The following COL4A1 variants were observed in gnomAD, a reference collection of about 807,000 sequenced individuals.
The protein encoded by COL4A1 is collagen type IV alpha 1 chain, also known as collagen alpha-1(IV) chain.
A neutral mutation model predicts 216.6 loss-of-function variants in COL4A1; 40 were observed. The observed-to-expected ratio is 0.18, with a 90% CI of 0.14 to 0.24. The LOEUF is 0.24. COL4A1 is among the 10% of genes least tolerant of loss of function. The pLI is 1.00. For missense variants in COL4A1, 1,628 were observed against 2,196.8 expected (o/e 0.74, Z 5.18); for synonymous variants, 839 against 810.7 (o/e 1.03, Z -0.59).
At chr13:110,276,529 A>G (rs984355335) in intron 1 of COL4A1, among the ~76,000 whole-genome samples, 1 of 152,136 alleles carries the variant, frequency 6.6e-6, no homozygotes, top group Non-Finnish European at 1.5e-5. Flanking sequence ...GAGGGTTCCA[A>G]ATTTTTGTAG....
chr13:110,208,811 T>G, intron 12 of COL4A1, 38 bp downstream of exon 12: 1 of 1,610,942 alleles, frequency 6.2e-7, no homozygotes, highest in Non-Finnish European at 8.5e-7. Context: ...GGACTGTGGT[T>G]TTCAACATGA....
Position 110,183,038 on chromosome 13 carries a change from C to A in COL4A1, c.2050G>T (p.Val684Leu). The A allele has an allele frequency of 6.2e-7, 1 of 1,613,402 alleles. No individual in the cohort carries two copies. The highest frequency in any genetic ancestry group is 8.5e-7 in the Non-Finnish European group (1 of 1,179,926). Reference protein sequence around the residue: ...RPGLPGEKGAVGQPGIGFPGP... With the variant: ...RPGLPGEKGALGQPGIGFPGP... ...GGAAATCCAATGCCTGGCTGGCCCA[C>A]AGCGCCCTTCTCTCCTGGCAGGCCT... Residue 684 changes from valine (V) to leucine (L), a missense_variant, in exon 28 of 52, where the codon GTG (valine) becomes TTG (leucine). Val to Leu is a conservative substitution (Grantham distance 32). Transcript: ENST00000375820.
At chr13:110,245,027 T>C (rs1881732493) in intron 1 of COL4A1, among the ~76,000 whole-genome samples, 1 of 152,166 alleles carries the variant, frequency 6.6e-6, no homozygotes, top group Non-Finnish European at 1.5e-5. Context: ...AAGTAACAAC[T>C]GTAGATGGAA....
chr13:110,242,679 T>C lies in COL4A1; in HGVS notation c.140A>G (p.Gln47Arg). The change falls in exon 2 of 52, where the codon CAA (glutamine) becomes CGA (arginine). Residue 47 changes from glutamine (Q) to arginine (R), a missense_variant. Transcript: ENST00000375820. ...GKCDCHGVKG[Q>R]KGERGLPGLQ... ...ATTTAAATTTCGGCAACTCACCTTT[T>C]GTCCCTTCACTCCATGGCAGTCACA... 6.2e-7 allele frequency: 1 copy of C among 1,614,242 alleles called. No individual in the cohort carries two copies. Among genetic ancestry groups the C allele is most frequent in the South Asian group, 1.1e-5 (1 of 91,086 alleles).
intron 48 of COL4A1, chr13:110,161,939 T>C: frequency 2.1e-6 from 1 of 466,400 alleles, no homozygotes; most frequent in Non-Finnish European, 3.9e-6. Context: ...TTGATCCTAC[T>C]TGATAATTTG....
At chr13:110,235,237 C>T (rs1471260411) in intron 2 of COL4A1, among the ~76,000 whole-genome samples, 1 of 152,126 alleles carries the variant, frequency 6.6e-6, no homozygotes, top group African/African-American at 2.4e-5. Flanking sequence ...AAAATATTTG[C>T]TTTCATGTGC....
chr13:110,177,086 G>A (rs1411995537), intron 33 of COL4A1, 49 bp from the exon 34 acceptor site: 1 of 1,608,994 alleles, frequency 6.2e-7, no homozygotes, highest in East Asian at 2.2e-5. Flanking sequence ...GTGTCACAGA[G>A]GTGCTCAAAA....
intron 42 of COL4A1, among the ~76,000 whole-genome samples, chr13:110,170,085 A>G (rs1877549328): frequency 9.7e-6 from 1 of 102,610 alleles, no homozygotes; most frequent in Admixed American, 1.1e-4. Flanking sequence ...GGGGAGGGGA[A>G]GGAGGGAGGG....
intron 1 of COL4A1, among the ~76,000 whole-genome samples, chr13:110,288,808 C>A (rs886761432): frequency 6.6e-6 from 1 of 151,930 alleles, no homozygotes. Context: ...CTGAGGTGGG[C>A]AGATCACGAG....
intron 1 of COL4A1, among the ~76,000 whole-genome samples, chr13:110,297,756 A>G (rs1050419349): frequency 1.2e-4 from 19 of 152,370 alleles, no homozygotes; most frequent in Admixed American, 3.9e-4. Flanking sequence ...AATGCAAAGT[A>G]TAAGAACAAT....
chr13:110,296,741 G>A (rs1884292235), intron 1 of COL4A1, among the ~76,000 whole-genome samples: 1 of 152,180 alleles, frequency 6.6e-6, no homozygotes, highest in Non-Finnish European at 1.5e-5. Context: ...AGACCCCATT[G>A]CCAGGAATAA....
chr13:110,290,028 C>T (rs1244574169), intron 1 of COL4A1, among the ~76,000 whole-genome samples: 1 of 152,190 alleles, frequency 6.6e-6, no homozygotes, highest in African/African-American at 2.4e-5. Context: ...TGAAAGGATG[C>T]TGCCGGGGGG....
intron 1 of COL4A1, among the ~76,000 whole-genome samples, chr13:110,248,228 T>C (rs1007825465): frequency 6.6e-6 from 1 of 152,168 alleles, no homozygotes; most frequent in Non-Finnish European, 1.5e-5. Context: ...AATAAGCGTA[T>C]GGAGGCAAGA....
At chr13:110,184,153 G>A (rs1014965416) in intron 26 of COL4A1, among the ~76,000 whole-genome samples, 2 of 152,128 alleles carry the variant, frequency 1.3e-5, no homozygotes, top group Non-Finnish European at 1.5e-5. Context: ...TTCTAATCTC[G>A]AAGCTAATTG....
chr13:110,203,260 C>G lies in COL4A1; in HGVS notation c.999+306G>C, dbSNP rs537532. On this transcript the variant is annotated intron_variant, in intron 18 of 51. Coordinates refer to ENST00000375820, the MANE Select transcript of COL4A1 (RefSeq NM_001845.6). ...TGTTGCTAATATTCTCATTCATGTG[C>G]AAACCTTTTCATTTTCAGTGATTTA... Among the ~76,000 whole-genome samples the G allele has an allele frequency of 0.58, 87,408 of 151,976 alleles. 26,092 individuals are homozygous for G. The highest frequency in any genetic ancestry group is 0.76 in the East Asian group (3,954 of 5,182).
chr13:110,296,352 T>C (rs1426510647), intron 1 of COL4A1, among the ~76,000 whole-genome samples: 1 of 152,254 alleles, frequency 6.6e-6, no homozygotes, highest in Non-Finnish European at 1.5e-5. Flanking sequence ...TTGAATATCA[T>C]TATAATCCCA....
At chr13:110,235,741 A>G (rs1052037666) in intron 2 of COL4A1, among the ~76,000 whole-genome samples, 1 of 152,092 alleles carries the variant, frequency 6.6e-6, no homozygotes, top group Non-Finnish European at 1.5e-5. Context: ...TGGAGATGCA[A>G]ATATATTCTA....
chr13:110,273,515 G>A (rs192181600), intron 1 of COL4A1, among the ~76,000 whole-genome samples: 2 of 152,228 alleles, frequency 1.3e-5, no homozygotes, highest in African/African-American at 2.4e-5. Context: ...AGCCGAGCTC[G>A]CTCCTAAACA....
chr13:110,226,937 CTTAAAAA>C (rs1880761338), intron 2 of COL4A1, among the ~76,000 whole-genome samples: 1 of 152,218 alleles, frequency 6.6e-6, no homozygotes, highest in South Asian at 2.1e-4. Flanking sequence ...TTCATAAATA[CTTAAAAA>C]TGGTCTTCCC....
Sources: allele counts gnomAD v4.1 joint callset (sites outside exome capture counted in the v4.1 genomes callset), GRCh38; gene constraint gnomAD v4.1.1; transcripts MANE v1.5; gene names NCBI Gene and HGNC (gene_info 2026-07-23, HGNC 2026-07-21).